ZNF141: variants seen among roughly 807,000 people sequenced by gnomAD.
ZNF141 encodes zinc finger protein 141 (clone pHZ-44).
In ZNF141, 7 loss-of-function variants were observed where a neutral mutation model predicts 11.3. That is an observed-to-expected ratio of 0.62 (90% confidence interval 0.35 to 1.16). The LOEUF is 1.16. Ranked by LOEUF, ZNF141 falls within the 50% of genes most tolerant of loss-of-function variation. The probability of loss-of-function intolerance (pLI) is 0.02; values close to 1 mark genes in which losing one functional copy is unlikely to be tolerated. For missense variants in ZNF141, 535 were observed against 554.0 expected (o/e 0.97, Z 0.34); for synonymous variants, 183 against 190.7 (o/e 0.96, Z 0.33).
chr4:345,280 A>G (rs1721266440), intron 3 of ZNF141, among the ~76,000 whole-genome samples: 1 of 152,180 alleles, frequency 6.6e-6, no homozygotes, highest in Non-Finnish European at 1.5e-5. Flanking sequence ...TCAGAACAAT[A>G]AGCATTTCCT....
chr4:361,460 A>G lies in ZNF141; in HGVS notation c.227-11204A>G, dbSNP rs547215799. 3.3e-5 allele frequency among the ~76,000 whole-genome samples: 5 copies of G among 150,234 alleles called. No homozygotes were observed. In the East Asian group the frequency reaches 9.8e-4, roughly 29 times the overall value. ...TTTGTTACATATGTATACATGTGCCATGTTGGTGTGCTGCACCCATTAACT... is the reference window on the plus strand; with the variant it reads ...TTTGTTACATATGTATACATGTGCCGTGTTGGTGTGCTGCACCCATTAACT... On this transcript the variant is annotated intron_variant, in intron 3 of 3. Coordinates refer to ENST00000240499, the MANE Select transcript of ZNF141 (RefSeq NM_003441.4).
At chr4:350,631 C>T (rs1290060894) in intron 3 of ZNF141, among the ~76,000 whole-genome samples, 1 of 152,096 alleles carries the variant, frequency 6.6e-6, no homozygotes, top group African/African-American at 2.4e-5. Context: ...GAGGTGGGGC[C>T]TTGAGGGAGA....
Position 377,533 on chromosome 4 carries a change from C to T in ZNF141, c.*3671C>T, listed in dbSNP as rs1265442956. On this transcript the variant is annotated 3_prime_UTR_variant, in exon 4 of 4. Transcript: ENST00000240499. ...GCCTCAGAGCCTTTCTTCATTTTTG[C>T]GTTATGGCTAGTTTGTCACTGTTCT... is the stretch of plus-strand genomic sequence containing the variant. Among the ~76,000 whole-genome samples the T allele has an allele frequency of 7.9e-5, 12 of 152,196 alleles. No homozygotes were observed. The East Asian group carries it at 1.7e-3, about 22-fold the overall frequency.
chr4:342,707 C>A (rs1721109473), intron 1 of ZNF141: 1 of 1,027,558 alleles, frequency 9.7e-7, no homozygotes, highest in Non-Finnish European at 1.5e-6. Flanking sequence ...CAGCTGTGTT[C>A]TGCCCACAGA....
rs150675642 is a variant in ZNF141 at position 342,237 on chromosome 4, A to G, written c.4-1545A>G. ...TGCTCTGTGACATACATCTGAGCAC[A>G]TATTACATGCCCCATAAAGATGGCA... On this transcript the variant is annotated intron_variant, in intron 1 of 3. Coordinates refer to ENST00000240499, the MANE Select transcript of ZNF141 (RefSeq NM_003441.4). Among the ~76,000 whole-genome samples, 14 of 152,356 alleles carry G rather than the reference A, an allele frequency of 9.2e-5. No individual in the cohort carries two copies. In the East Asian group the frequency reaches 2.5e-3, roughly 27 times the overall value.
intron 3 of ZNF141, among the ~76,000 whole-genome samples, chr4:350,930 T>TA (rs1490151944): frequency 2.6e-5 from 4 of 151,388 alleles, no homozygotes; most frequent in East Asian, 3.9e-4. Flanking sequence ...TTTTTTTTTT[T>TA]AGTAGAGACG....
rs1553854798 is a variant in ZNF141 at position 377,331 on chromosome 4, A to G, written c.*3469A>G. Among the ~76,000 whole-genome samples, 1 of 152,232 alleles carries G rather than the reference A, an allele frequency of 6.6e-6. No homozygotes were observed. Among genetic ancestry groups the G allele is most frequent in the Non-Finnish European group, 1.5e-5 (1 of 68,042 alleles). ...TTCCTGGAGTTAGTTTGTAGCTCCA[A>G]GTAAGAGATTGAAAATAATCTGTGG... On this transcript the variant is annotated 3_prime_UTR_variant, in exon 4 of 4. Transcript: ENST00000240499.
intron 1 of ZNF141, among the ~76,000 whole-genome samples, chr4:338,873 T>G (rs1173916426): frequency 1.3e-5 from 2 of 152,188 alleles, no homozygotes; most frequent in African/African-American, 4.8e-5. Context: ...AAGAAAGACA[T>G]GGCTGAGCCT....
chr4:369,764 A>ATGTTTTTTT, intron 3 of ZNF141, among the ~76,000 whole-genome samples: 18 of 48,722 alleles, frequency 3.7e-4, no homozygotes, highest in Admixed American at 8.7e-4. Context: ...ATATATATAT[A>ATGTTTTTTT]TTTTTTTTTT....
intron 3 of ZNF141, chr4:350,370 T>C: frequency 2.8e-6 from 1 of 354,374 alleles, no homozygotes; most frequent in Non-Finnish European, 5.9e-6. Context: ...AATGGAATCA[T>C]GCATTGTCAC....
At chr4:360,355 T>C (rs898863812) in intron 3 of ZNF141, among the ~76,000 whole-genome samples, 2 of 152,244 alleles carry the variant, frequency 1.3e-5, no homozygotes, top group Non-Finnish European at 2.9e-5. Context: ...AGTAAATGTA[T>C]TGCAATGCTT....
At chr4:359,295 T>C (rs868924878) in intron 3 of ZNF141, among the ~76,000 whole-genome samples, 5 of 151,230 alleles carry the variant, frequency 3.3e-5, no homozygotes, top group Non-Finnish European at 5.9e-5. Flanking sequence ...AGACTGGTGC[T>C]GAGAAAAAAA....
At position 375,311 on chromosome 4, in the gene ZNF141, CATT is replaced by C. The variant is rs2108657389; in HGVS notation, c.*1450_*1452del. 1 of 152,116 alleles carries C rather than the reference CATT, an allele frequency of 6.6e-6. No homozygotes were observed. The highest frequency in any genetic ancestry group is 2.4e-5 in the African/African-American group (1 of 41,514). 9.4% of individuals were successfully genotyped at this position (152,116 alleles called of 1,614,324 possible). ...CTTCTCTCATGGATTTTGTTGTACA[CATT>C]TTATAATAGGGGAAAACACTGAAGG... On this transcript the variant is annotated 3_prime_UTR_variant, in exon 4 of 4. Coordinates refer to ENST00000240499, the MANE Select transcript of ZNF141 (RefSeq NM_003441.4).
intron 3 of ZNF141, among the ~76,000 whole-genome samples, chr4:357,351 G>A (rs923389155): frequency 6.6e-5 from 10 of 151,596 alleles, no homozygotes; most frequent in African/African-American, 2.4e-4. Context: ...CCCAGGAGGT[G>A]GAGGTTGCAG....
At chr4:372,606 A>G (rs757030924) in intron 3 of ZNF141, 58 bp from the exon 4 acceptor site, 145 of 1,348,204 alleles carry the variant, frequency 1.1e-4, no homozygotes, top group Non-Finnish European at 1.4e-4. Context: ...TAAGATTTGT[A>G]AAGTATATTT....
chr4:339,261 C>G (rs1249121629), intron 1 of ZNF141, among the ~76,000 whole-genome samples: 2 of 152,246 alleles, frequency 1.3e-5, no homozygotes, highest in Non-Finnish European at 2.9e-5. Context: ...TCTTCACCCA[C>G]CCAGGCTTTT....
At chr4:366,991 C>G (rs1314271379) in intron 3 of ZNF141, among the ~76,000 whole-genome samples, 1 of 152,202 alleles carries the variant, frequency 6.6e-6, no homozygotes, top group Non-Finnish European at 1.5e-5. Flanking sequence ...AGAAGCAACA[C>G]TGGCAAAATT....
intron 3 of ZNF141, among the ~76,000 whole-genome samples, chr4:363,108 G>T (rs1400712332): frequency 6.6e-6 from 1 of 152,100 alleles, no homozygotes. Context: ...CTTGTAAGTT[G>T]GATTCCTATG....
chr4:346,704 T>G (rs1232208964), intron 3 of ZNF141, among the ~76,000 whole-genome samples: 1 of 152,186 alleles, frequency 6.6e-6, no homozygotes, highest in African/African-American at 2.4e-5. Context: ...CCTATCTAAC[T>G]GAGAAAATTT....
Sources: gnomAD v4.1 joint callset for allele counts (sites outside exome capture counted in the v4.1 genomes callset) on GRCh38, gnomAD v4.1.1 for gene constraint, MANE v1.5 for transcripts, NCBI Gene and HGNC (gene_info 2026-07-23, HGNC 2026-07-21) for gene names.